Variants in SLC16A10 observed in about 807,000 individuals in gnomAD.
SLC16A10 encodes solute carrier family 16 member 10, also known as monocarboxylate transporter 10.
Under a neutral mutation model 40.0 loss-of-function variants are expected in SLC16A10, and 27 were observed. The ratio of observed to expected loss-of-function variants is 0.67; its 90% CI spans 0.50 to 0.93. SLC16A10 has a LOEUF of 0.93. SLC16A10 is among the 40% of genes least tolerant of loss of function. The pLI is 0.00. For synonymous variants in SLC16A10, 213 were observed against 249.8 expected, an observed-to-expected ratio of 0.85 and a Z score of 1.39; for missense variants, 529 against 658.2, an observed-to-expected ratio of 0.80 and a Z score of 2.15.
intron 3 of SLC16A10, among the ~76,000 whole-genome samples, chr6:111,196,940 C>T (rs1773089245): frequency 6.6e-6 from 1 of 152,054 alleles, no homozygotes; most frequent in African/African-American, 2.4e-5. Context: ...TACCAAGAGA[C>T]TAATGTTAAT....
intron 3 of SLC16A10, among the ~76,000 whole-genome samples, chr6:111,200,833 C>A (rs1172325957): frequency 2.0e-5 from 3 of 152,058 alleles, no homozygotes; most frequent in Non-Finnish European, 4.4e-5. Flanking sequence ...TATGGAATAG[C>A]TTTTCAAATG....
At chr6:111,172,965 T>A (rs148577368) in intron 2 of SLC16A10, 126 bp downstream of exon 2, 2 of 1,239,682 alleles carry the variant, frequency 1.6e-6, no homozygotes, top group Non-Finnish European at 2.2e-6. Context: ...TTAAGCAATA[T>A]GACTTATAAA....
At chr6:111,114,656 A>G (rs1048185669) in intron 1 of SLC16A10, among the ~76,000 whole-genome samples, 5 of 152,218 alleles carry the variant, frequency 3.3e-5, no homozygotes, top group African/African-American at 9.6e-5. Flanking sequence ...CTATTTAGCC[A>G]ATACAGGATG....
At chr6:111,129,056 A>G (rs1431234993) in intron 1 of SLC16A10, among the ~76,000 whole-genome samples, 1 of 152,122 alleles carries the variant, frequency 6.6e-6, no homozygotes, top group Non-Finnish European at 1.5e-5. Flanking sequence ...ATTTAACATT[A>G]TGCTATAACA....
intron 1 of SLC16A10, among the ~76,000 whole-genome samples, chr6:111,141,799 A>C (rs1406323526): frequency 1.3e-5 from 2 of 152,280 alleles, no homozygotes; most frequent in Non-Finnish European, 2.9e-5. Context: ...AAGAAATAAA[A>C]GAACCAAATA....
At chr6:111,114,915 C>G (rs1213501435) in intron 1 of SLC16A10, among the ~76,000 whole-genome samples, 2 of 152,110 alleles carry the variant, frequency 1.3e-5, no homozygotes, top group African/African-American at 4.8e-5. Flanking sequence ...CATTCCATCG[C>G]CCAGGCTGGA....
intron 1 of SLC16A10, among the ~76,000 whole-genome samples, chr6:111,103,456 G>C (rs1336413031): frequency 6.6e-6 from 1 of 152,128 alleles, no homozygotes; most frequent in Non-Finnish European, 1.5e-5. Context: ...GACCTCAGGT[G>C]ATCCACCTGC....
At position 111,177,238 on chromosome 6, in the gene SLC16A10, A is replaced by G. The variant is rs749903701; in HGVS notation, c.515A>G (p.Tyr172Cys). ...VSSIEPLYLT[Y>C]GIIFACGCSF... ...TCCATCGAGCCTCTGTACCTTACCT[A>G]TGGAATCATATTTGCCTGCGGCTGC... Residue 172 changes from tyrosine to cysteine, a missense_variant, in exon 3 of 6, where the codon TAT (tyrosine) becomes TGT (cysteine). Physicochemically the swap from Tyr to Cys is radical, Grantham distance 194. Coordinates refer to ENST00000368851, the MANE Select transcript of SLC16A10 (RefSeq NM_018593.5). 6 of 1,565,020 alleles carry G rather than the reference A, an allele frequency of 3.8e-6. No individual in the cohort carries two copies. The highest frequency in any genetic ancestry group is 2.0e-5 in the Admixed American group (1 of 50,652).
chr6:111,100,485 T>C (rs891974632), intron 1 of SLC16A10, among the ~76,000 whole-genome samples: 1 of 152,004 alleles, frequency 6.6e-6, no homozygotes, highest in Non-Finnish European at 1.5e-5. Flanking sequence ...GCCTCCCGTG[T>C]ACAAGCGATT....
At chr6:111,121,029 C>T (rs1345964140) in intron 1 of SLC16A10, among the ~76,000 whole-genome samples, 1 of 152,068 alleles carries the variant, frequency 6.6e-6, no homozygotes, top group East Asian at 1.9e-4. Context: ...ATATTTTTGT[C>T]AAATATTTCT....
At chr6:111,167,907 T>G (rs1772507584) in intron 1 of SLC16A10, among the ~76,000 whole-genome samples, 1 of 151,984 alleles carries the variant, frequency 6.6e-6, no homozygotes, top group Non-Finnish European at 1.5e-5. Flanking sequence ...ACTACTGGCT[T>G]CAAGTAATCC....
intron 1 of SLC16A10, among the ~76,000 whole-genome samples, chr6:111,105,586 A>C (rs1771270711): frequency 6.6e-6 from 1 of 152,214 alleles, no homozygotes. Flanking sequence ...GATAATAACT[A>C]GCCACCTGGC....
At chr6:111,142,182 A>G (rs1191123522) in intron 1 of SLC16A10, among the ~76,000 whole-genome samples, 1 of 152,246 alleles carries the variant, frequency 6.6e-6, no homozygotes, top group South Asian at 2.1e-4. Flanking sequence ...AAACAGATCG[A>G]TGGAACAGAA....
At chr6:111,158,571 G>C (rs1266717804) in intron 1 of SLC16A10, among the ~76,000 whole-genome samples, 1 of 152,150 alleles carries the variant, frequency 6.6e-6, no homozygotes, top group African/African-American at 2.4e-5. Flanking sequence ...GGTAATGCTC[G>C]CTCACCTACC....
chr6:111,103,755 C>A (rs773937295), intron 1 of SLC16A10, among the ~76,000 whole-genome samples: 1 of 152,052 alleles, frequency 6.6e-6, no homozygotes, highest in Non-Finnish European at 1.5e-5. Context: ...TTAGGTGTTA[C>A]GAGATTGGGA....
rs373116734 is a variant in SLC16A10 at position 111,177,206 on chromosome 6, A to C, written c.489-6A>C. ...GCTGCTTTCCATCTTTTTCATCTTT[A>C]TACAGTTCCATCGAGCCTCTGTACC... On this transcript the variant is annotated splice_polypyrimidine_tract_variant and splice_region_variant and intron_variant, in intron 2 of 5. Coordinates refer to ENST00000368851, the MANE Select transcript of SLC16A10 (RefSeq NM_018593.5). 6.7e-7 allele frequency: 1 copy of C among 1,498,856 alleles called. No homozygotes were observed. Among genetic ancestry groups the C allele is most frequent in the African/African-American group, 1.4e-5 (1 of 71,510 alleles). 92.8% of individuals were successfully genotyped at this position (1,498,856 alleles called of 1,614,324 possible).
At chr6:111,185,337 A>C (rs76213383) in intron 3 of SLC16A10, among the ~76,000 whole-genome samples, 7,374 of 152,242 alleles carry the variant, frequency 0.048, 591 homozygotes, top group African/African-American at 0.17. Flanking sequence ...ATTTTCAGCC[A>C]TACTGGGCCT....
chr6:111,097,594 A>G lies in SLC16A10; in HGVS notation c.343+9499A>G, dbSNP rs930780981. On this transcript the variant is annotated intron_variant, in intron 1 of 5. Coordinates refer to ENST00000368851, the MANE Select transcript of SLC16A10 (RefSeq NM_018593.5). ...CTCCCAAAGTGCTGGGATTACAGGC[A>G]TGAGCCACCATGCCCGGCCAAGCTT... 7.2e-5 allele frequency among the ~76,000 whole-genome samples: 11 copies of G among 152,174 alleles called. No individual in the cohort carries two copies. The East Asian group carries it at 1.2e-3, about 16-fold the overall frequency.
chr6:111,088,579 A>G (rs1365762221), intron 1 of SLC16A10, among the ~76,000 whole-genome samples: 2 of 151,990 alleles, frequency 1.3e-5, no homozygotes, highest in African/African-American at 4.8e-5. Flanking sequence ...GAGGAATGAA[A>G]GAGATTTGTA....
Sources: allele counts gnomAD v4.1 joint callset (sites outside exome capture counted in the v4.1 genomes callset), GRCh38; gene constraint gnomAD v4.1.1; transcripts MANE v1.5; gene names NCBI Gene and HGNC (gene_info 2026-07-23, HGNC 2026-07-21).